RBP7: variants seen among roughly 807,000 people sequenced by gnomAD.
RBP7 encodes retinol binding protein 7.
In RBP7, 13 loss-of-function variants were observed where a neutral mutation model predicts 16.7. That is an observed-to-expected ratio of 0.78 (90% confidence interval 0.51 to 1.24). The LOEUF (loss-of-function observed/expected upper bound fraction) is 1.24. Among genes scored for constraint, RBP7 ranks in the 50% most tolerant of loss-of-function variants. The pLI is 0.00. For synonymous variants in RBP7, 54 were observed against 56.2 expected, an observed-to-expected ratio of 0.96 and a Z score of 0.17; for missense variants, 145 against 159.5, an observed-to-expected ratio of 0.91 and a Z score of 0.49.
chr1:10,011,193 C>T (rs1642606532), intron 3 of RBP7, among the ~76,000 whole-genome samples: 1 of 151,944 alleles, frequency 6.6e-6, no homozygotes, highest in South Asian at 2.1e-4. Context: ...TTCTTGCTGT[C>T]ATCTTAAGAG....
At chr1:10,011,795 G>C (rs1418818289) in intron 3 of RBP7, among the ~76,000 whole-genome samples, 2 of 152,178 alleles carry the variant, frequency 1.3e-5, no homozygotes, top group Non-Finnish European at 2.9e-5. Flanking sequence ...ACGGGTTCAC[G>C]CCTGTAATCC....
intron 1 of RBP7, chr1:10,007,239 A>G: frequency 7.0e-6 from 2 of 285,068 alleles, no homozygotes; most frequent in Non-Finnish European, 1.4e-5. Flanking sequence ...GAGCCACTGC[A>G]CCTGGCCTAC....
chr1:10,013,444 G>A (rs1267482865), intron 3 of RBP7, among the ~76,000 whole-genome samples: 1 of 152,086 alleles, frequency 6.6e-6, no homozygotes, highest in African/African-American at 2.4e-5. Flanking sequence ...CACTTTGGGA[G>A]GACACGGCAA....
At chr1:10,006,438 A>G (rs1324083953) in intron 1 of RBP7, among the ~76,000 whole-genome samples, 1 of 152,126 alleles carries the variant, frequency 6.6e-6, no homozygotes, top group Non-Finnish European at 1.5e-5. Flanking sequence ...TGAGCCTGAA[A>G]GGTTGAGGCT....
intron 3 of RBP7, among the ~76,000 whole-genome samples, chr1:10,012,939 C>CAAA (rs760583223): frequency 0.23 from 16,497 of 70,964 alleles, 2,423 homozygotes; most frequent in African/African-American, 0.42. Context: ...GAAACTGTCT[C>CAAA]AAAAAAAAAA....
chr1:10,009,860 GT>G (rs1642567868), intron 3 of RBP7, among the ~76,000 whole-genome samples: 2 of 152,020 alleles, frequency 1.3e-5, no homozygotes, highest in South Asian at 2.1e-4. Flanking sequence ...AATTCTTGGA[GT>G]TTTTCTTTTC....
At chr1:9,999,814 CTTTTTTTTTT>C (rs70998341) in intron 1 of RBP7, among the ~76,000 whole-genome samples, 3,903 of 105,906 alleles carry the variant, frequency 0.037, 184 homozygotes, top group African/African-American at 0.11. Flanking sequence ...CTGTAATACT[CTTTTTTTTTT>C]TTTTTTTTTT....
chr1:10,010,758 A>G (rs1642594469), intron 3 of RBP7, among the ~76,000 whole-genome samples: 1 of 149,776 alleles, frequency 6.7e-6, no homozygotes. Context: ...CTAATTTTGT[A>G]TTTTCAGTAG....
rs113375459 is a variant in RBP7, at chr1:10,015,923, G to A, written c.*91G>A. On this transcript the variant is annotated 3_prime_UTR_variant, in exon 4 of 4. Coordinates refer to ENST00000294435, the MANE Select transcript of RBP7 (RefSeq NM_052960.3). ...CAGACGTTTATCTATCCCATTTGGC[G>A]ACGAGGACTCGTGGCTGGAGAGAGC... 67 of 1,241,516 alleles carry A rather than the reference G, an allele frequency of 5.4e-5. No individual in the cohort carries two copies. The highest frequency in any genetic ancestry group is 6.9e-5 in the Non-Finnish European group (59 of 851,232). 76.9% of individuals were successfully genotyped at this position (1,241,516 alleles called of 1,614,324 possible).
chr1:10,014,638 C>A (rs558500504), intron 3 of RBP7, among the ~76,000 whole-genome samples: 2 of 152,184 alleles, frequency 1.3e-5, no homozygotes, highest in South Asian at 4.1e-4. Context: ...CTGCCCGCCT[C>A]GGCCACTCAA....
At chr1:10,009,331 A>AT (rs1487774096) in intron 3 of RBP7, among the ~76,000 whole-genome samples, 107 of 152,034 alleles carry the variant, frequency 7.0e-4, no homozygotes, top group African/African-American at 2.5e-3. Flanking sequence ...AATTGCTAGA[A>AT]CCAGTTAGTC....
At chr1:9,998,269 G>C (rs1405362721) in intron 1 of RBP7, among the ~76,000 whole-genome samples, 1 of 152,162 alleles carries the variant, frequency 6.6e-6, no homozygotes, top group Non-Finnish European at 1.5e-5. Flanking sequence ...TGGGATTACA[G>C]GTGTGAGCCA....
At chr1:10,010,764 A>G (rs150809370) in intron 3 of RBP7, among the ~76,000 whole-genome samples, 2,699 of 151,606 alleles carry the variant, frequency 0.018, 34 homozygotes, top group Non-Finnish European at 0.027. Context: ...TTGTATTTTC[A>G]GTAGAGACGG....
At chr1:10,008,138 A>T (rs745477165) in intron 2 of RBP7, 35 bp from the exon 3 acceptor site, 18 of 1,372,790 alleles carry the variant, frequency 1.3e-5, no homozygotes, top group Middle Eastern at 1.8e-4. Flanking sequence ...GGATCCTGCC[A>T]GGACAAGCTA....
intron 3 of RBP7, among the ~76,000 whole-genome samples, chr1:10,014,534 GCACCAC>G (rs1038882278): frequency 2.0e-5 from 3 of 151,804 alleles, no homozygotes; most frequent in Non-Finnish European, 4.4e-5. Context: ...TTACAGGCAT[GCACCAC>G]CACACCCGGC....
chr1:10,009,978 T>G (rs74681101), intron 3 of RBP7, among the ~76,000 whole-genome samples: 2,706 of 152,272 alleles, frequency 0.018, 34 homozygotes, highest in Non-Finnish European at 0.027. Flanking sequence ...TGCACCTGTT[T>G]TAAGTGTACA....
At chr1:10,008,925 T>C (rs1447103413) in intron 3 of RBP7, among the ~76,000 whole-genome samples, 1 of 152,184 alleles carries the variant, frequency 6.6e-6, no homozygotes, top group Non-Finnish European at 1.5e-5. Context: ...TAGATATGCA[T>C]AGATAGATAT....
rs34227970 is a variant in RBP7 at position 10,012,051 on chromosome 1, T to TA, written c.355-3721dup. ...ACTCCCGTCTCTACTAAAAAATATT[T>TA]AAAAAAAAAATCAGCTGAGAGTGGT... is the stretch of plus-strand genomic sequence containing the variant. On this transcript the variant is annotated intron_variant, in intron 3 of 3. Coordinates refer to ENST00000294435, the MANE Select transcript of RBP7 (RefSeq NM_052960.3). 2.3e-3 allele frequency among the ~76,000 whole-genome samples: 338 copies of TA among 147,852 alleles called. 1 individual carries two copies. Among genetic ancestry groups the TA allele is most frequent in the Non-Finnish European group, 4.1e-3 (273 of 66,488 alleles).
intron 1 of RBP7, among the ~76,000 whole-genome samples, chr1:10,006,747 G>GTA (rs1205156699): frequency 2.3e-4 from 33 of 144,258 alleles, no homozygotes; most frequent in African/African-American, 8.6e-4. Flanking sequence ...GTGTGTGTGT[G>GTA]TGTGTATATA....
Sources: allele counts gnomAD v4.1 joint callset (sites outside exome capture counted in the v4.1 genomes callset), GRCh38; gene constraint gnomAD v4.1.1; transcripts MANE v1.5; gene names NCBI Gene and HGNC (gene_info 2026-07-23, HGNC 2026-07-21).